Variants in DAB1 observed in about 807,000 individuals in gnomAD.
The protein encoded by DAB1 is disabled homolog 1.
DAB1 carries 15 observed loss-of-function variants against 64.6 expected under a neutral mutation model. That is an observed-to-expected ratio of 0.23 (90% CI 0.16 to 0.36). The LOEUF (loss-of-function observed/expected upper bound fraction) is 0.36, where lower values mean the gene tolerates loss of function less well. Ranked by LOEUF, DAB1 falls within the 10% of genes least tolerant of loss-of-function variation. The pLI is 1.00. For missense variants in DAB1, 596 were observed against 706.7 expected, an observed-to-expected ratio of 0.84 and a Z score of 1.78; for synonymous variants, 235 against 251.9, an observed-to-expected ratio of 0.93 and a Z score of 0.64.
intron 2 of DAB1, among the ~76,000 whole-genome samples, chr1:57,253,928 G>C (rs372425696): frequency 2.0e-5 from 3 of 152,134 alleles, no homozygotes; most frequent in South Asian, 4.1e-4. Flanking sequence ...AGATGAGTAG[G>C]GGGAGGGGAA....
At position 57,328,626 on chromosome 1, in the gene DAB1, T is replaced by A. The variant is rs557602484; in HGVS notation, c.-136-37460A>T. 1.2e-4 allele frequency among the ~76,000 whole-genome samples: 19 copies of A among 152,314 alleles called. No individual in the cohort carries two copies. The South Asian group carries it at 3.9e-3, about 32-fold the overall frequency. ...ATGGACAGTAAGACCTGCATAAAGT[T>A]TAAGTGATTTGAAGAAGGTCACAAA... On this transcript the variant is annotated intron_variant, in intron 1 of 14. Transcript: ENST00000371236.
intron 7 of DAB1, among the ~76,000 whole-genome samples, chr1:57,545,625 G>A (rs1644848021): frequency 6.6e-6 from 1 of 152,220 alleles, no homozygotes; most frequent in Non-Finnish European, 1.5e-5. Context: ...GACAGAACAA[G>A]TAATGATAAT....
chr1:57,300,151 A>T (rs555724309), intron 1 of DAB1, among the ~76,000 whole-genome samples: 2 of 152,298 alleles, frequency 1.3e-5, no homozygotes, highest in African/African-American at 4.8e-5. Context: ...CAAATATTTA[A>T]ATAAGGAAAC....
chr1:57,364,221 T>C (rs1679784594), intron 1 of DAB1, among the ~76,000 whole-genome samples: 2 of 152,164 alleles, frequency 1.3e-5, no homozygotes, highest in African/African-American at 4.8e-5. Context: ...GTCCCAACTT[T>C]GGGGATGGGG....
intron 5 of DAB1, among the ~76,000 whole-genome samples, chr1:58,146,481 A>G (rs1654601324): frequency 6.6e-6 from 1 of 152,098 alleles, no homozygotes. Flanking sequence ...GCAAGTTTGT[A>G]CCCTTTGATC....
intron 7 of DAB1, among the ~76,000 whole-genome samples, chr1:57,644,582 T>C (rs1646170236): frequency 6.6e-6 from 1 of 151,972 alleles, no homozygotes; most frequent in Non-Finnish European, 1.5e-5. Flanking sequence ...CATACATATA[T>C]ACACACATAC....
chr1:57,494,086 T>C (rs1024122809), intron 7 of DAB1, among the ~76,000 whole-genome samples: 2 of 152,318 alleles, frequency 1.3e-5, no homozygotes, highest in South Asian at 2.1e-4. Context: ...TAAAGAACTA[T>C]ATAAACTATA....
intron 7 of DAB1, among the ~76,000 whole-genome samples, chr1:57,435,376 A>G (rs1186967193): frequency 6.6e-6 from 1 of 152,092 alleles, no homozygotes; most frequent in Non-Finnish European, 1.5e-5. Flanking sequence ...ATAATACATT[A>G]ATTTAGCTTA....
At chr1:58,184,162 G>C (rs1656945720) in intron 4 of DAB1, among the ~76,000 whole-genome samples, 1 of 151,846 alleles carries the variant, frequency 6.6e-6, no homozygotes, top group African/African-American at 2.4e-5. Context: ...GATTTAGATG[G>C]AAAGTCTTTC....
At chr1:57,371,572 T>C (rs1439892257) in intron 1 of DAB1, among the ~76,000 whole-genome samples, 1 of 152,228 alleles carries the variant, frequency 6.6e-6, no homozygotes, top group Admixed American at 6.5e-5. Flanking sequence ...CAATATTTAC[T>C]GGGGCTCTAT....
intron 3 of DAB1, among the ~76,000 whole-genome samples, chr1:58,372,937 T>G (rs553663338): frequency 2.6e-5 from 4 of 152,100 alleles, no homozygotes; most frequent in Non-Finnish European, 5.9e-5. Context: ...CAGTCTTGGG[T>G]AGCATCTCTA....
At chr1:57,154,297 C>A (rs2100856874) in intron 2 of DAB1, among the ~76,000 whole-genome samples, 1 of 152,280 alleles carries the variant, frequency 6.6e-6, no homozygotes, top group Non-Finnish European at 1.5e-5. Flanking sequence ...CAATGTTTGT[C>A]TTTCTGTGCC....
intron 4 of DAB1, among the ~76,000 whole-genome samples, chr1:58,174,919 C>T (rs923841688): frequency 2.0e-5 from 3 of 152,070 alleles, no homozygotes; most frequent in Non-Finnish European, 1.5e-5. Context: ...TGTACAAATG[C>T]ACCAATCAGC....
intron 7 of DAB1, among the ~76,000 whole-genome samples, chr1:57,608,903 G>A (rs899591589): frequency 2.0e-5 from 3 of 152,136 alleles, no homozygotes; most frequent in African/African-American, 2.4e-5. Context: ...AGGGGAAATC[G>A]TTCACTCTCA....
chr1:57,714,673 C>G (rs770834895), intron 6 of DAB1, among the ~76,000 whole-genome samples: 1 of 152,050 alleles, frequency 6.6e-6, no homozygotes, highest in Non-Finnish European at 1.5e-5. Flanking sequence ...AGAGAATGAC[C>G]GGGAAAATGA....
intron 5 of DAB1, among the ~76,000 whole-genome samples, chr1:58,023,523 C>A (rs897830882): frequency 3.3e-5 from 5 of 152,030 alleles, no homozygotes; most frequent in Non-Finnish European, 7.4e-5. Flanking sequence ...AGTTGGGAAC[C>A]ACTGTATAAA....
chr1:57,191,440 C>T (rs1187891608), intron 2 of DAB1, among the ~76,000 whole-genome samples: 2 of 152,176 alleles, frequency 1.3e-5, no homozygotes, highest in African/African-American at 4.8e-5. Context: ...CACCAGCCTT[C>T]CCTTTACCAC....
At chr1:57,136,493 C>T (rs774684010) in intron 4 of DAB1, 50 bp downstream of exon 4, 2 of 1,102,012 alleles carry the variant, frequency 1.8e-6, no homozygotes, top group Non-Finnish European at 1.3e-6. Flanking sequence ...TTTAAGGGTA[C>T]ATCTGTCAAT....
intron 6 of DAB1, among the ~76,000 whole-genome samples, chr1:57,667,385 C>T (rs992931404): frequency 6.6e-6 from 1 of 152,072 alleles, no homozygotes; most frequent in South Asian, 2.1e-4. Flanking sequence ...ACCATCTCTC[C>T]TCCTGTGTTC....
Sources: gnomAD v4.1 joint callset for allele counts (sites outside exome capture counted in the v4.1 genomes callset) on GRCh38, gnomAD v4.1.1 for gene constraint, MANE v1.5 for transcripts, NCBI Gene and HGNC (gene_info 2026-07-23, HGNC 2026-07-21) for gene names.